Variants in PRPF18 observed in about 807,000 individuals in gnomAD.
PRPF18 encodes the protein pre-mRNA-splicing factor 18.
Under a neutral mutation model 46.5 loss-of-function variants are expected in PRPF18, and 38 were observed. That is an observed-to-expected ratio of 0.82 (90% CI 0.63 to 1.07). The LOEUF (loss-of-function observed/expected upper bound fraction) is 1.07. Ranked by LOEUF, PRPF18 falls within the 50% of genes least tolerant of loss-of-function variation. PRPF18 has a pLI of 0.00. For synonymous variants in PRPF18, 152 were observed against 146.7 expected (o/e 1.04, Z -0.26); for missense variants, 263 against 410.0 (o/e 0.64, Z 3.10).
the PRPF18 span, chr10:13,644,669 T>G: frequency 6.6e-6 from 1 of 152,236 alleles, no homozygotes; most frequent in Non-Finnish European, 1.5e-5. Flanking sequence ...TGTAACCATG[T>G]AACCTCATCA....
the PRPF18 span, chr10:13,651,633 A>C: frequency 2.5e-6 from 1 of 398,414 alleles, no homozygotes; most frequent in Non-Finnish European, 4.6e-6. Flanking sequence ...AGATCATGCC[A>C]CTGCACTCCA....
intron 8 of PRPF18, among the ~76,000 whole-genome samples, chr10:13,615,033 A>G (rs1423550692): frequency 6.6e-6 from 1 of 152,204 alleles, no homozygotes; most frequent in Non-Finnish European, 1.5e-5. Flanking sequence ...TAGGCTAAAG[A>G]GGTTCCTGCA....
chr10:13,605,606 A>G, intron 3 of PRPF18, 25 bp from the exon 4 acceptor site: 2 of 1,467,518 alleles, frequency 1.4e-6, no homozygotes, highest in Non-Finnish European at 1.8e-6. Flanking sequence ...AAAAAAATTT[A>G]CTGGGTATCT....
At chr10:13,655,248 A>G in the PRPF18 span, 2 of 152,234 alleles carry the variant, frequency 1.3e-5, no homozygotes, top group African/African-American at 4.8e-5. Flanking sequence ...AGTCTAAAAT[A>G]TGTTCCAAAA....
At chr10:13,627,958 C>T (rs1182475939) in intron 9 of PRPF18, among the ~76,000 whole-genome samples, 2 of 152,166 alleles carry the variant, frequency 1.3e-5, no homozygotes, top group Admixed American at 1.3e-4. Flanking sequence ...CCCCTCTTCT[C>T]ACCTATTCCT....
At chr10:13,634,499 C>A (rs1477000013), downstream of PRPF18, among the ~76,000 whole-genome samples, 1 of 152,250 alleles carries the variant, frequency 6.6e-6, no homozygotes, top group Non-Finnish European at 1.5e-5. Context: ...AGTTTTACAA[C>A]TTGCCAAAAC....
chr10:13,599,352 C>T (rs2080074627), intron 2 of PRPF18, among the ~76,000 whole-genome samples: 1 of 152,140 alleles, frequency 6.6e-6, no homozygotes, highest in Admixed American at 6.5e-5. Flanking sequence ...GTAATTTTTA[C>T]CATATAGCCT....
At chr10:13,654,974 G>A in the PRPF18 span, 1 of 165,336 alleles carries the variant, frequency 6.0e-6, no homozygotes, top group South Asian at 1.7e-4. Flanking sequence ...TCCCCATTGT[G>A]AAGAGAGGGC....
At chr10:13,621,586 C>T (rs1306620640) in intron 9 of PRPF18, among the ~76,000 whole-genome samples, 1 of 152,194 alleles carries the variant, frequency 6.6e-6, no homozygotes, top group Admixed American at 6.5e-5. Flanking sequence ...GTCCTAAGTC[C>T]AGCCCACTCC....
chr10:13,632,065 G>A, downstream of PRPF18: 1 of 152,658 alleles, frequency 6.6e-6, no homozygotes, highest in South Asian at 2.1e-4. Context: ...GAGGGGGCCA[G>A]GCGCGGTGGC....
intron 7 of PRPF18, 45 bp from the exon 8 acceptor site, chr10:13,613,970 A>T: frequency 1.9e-6 from 3 of 1,555,534 alleles, no homozygotes; most frequent in South Asian, 1.2e-5. Context: ...TTCCCTATAC[A>T]TCTATACATA....
intron 9 of PRPF18, among the ~76,000 whole-genome samples, chr10:13,624,116 C>G (rs1409957458): frequency 6.6e-6 from 1 of 152,160 alleles, no homozygotes; most frequent in East Asian, 1.9e-4. Flanking sequence ...TCCTGAGTAG[C>G]TGGGTGTGTG....
At chr10:13,651,321 G>C in the PRPF18 span, 5 of 152,538 alleles carry the variant, frequency 3.3e-5, no homozygotes, top group East Asian at 9.6e-4. Context: ...CCACTGAGTC[G>C]GCCCTTGGTG....
In PRPF18 at chr10:13,611,655, A is replaced by T; in HGVS notation, c.551A>T (p.Asp184Val). ...TTAGGGAAAGGCGATGATCATAAAG[A>T]CATGGACATCATCACCAAATTCCTG... ...ESLGKGDDHKDMDIITKFLKF... is the reference protein window; with the variant it reads ...ESLGKGDDHKVMDIITKFLKF... Residue 184 changes from aspartate to valine, a missense_variant, in exon 6 of 10, where the codon GAC becomes GTC. Physicochemically the swap from Asp to Val is radical, Grantham distance 152 (BLOSUM62 -3). Around this residue, in one of 4 missense-constraint regions of PRPF18, gnomAD observed 155 missense variants for 245.1 expected, o/e 0.63. Coordinates refer to ENST00000378572, the MANE Select transcript of PRPF18 (RefSeq NM_003675.4). 1 of 1,613,956 alleles carries T rather than the reference A, an allele frequency of 6.2e-7. No individual in the cohort carries two copies. Among genetic ancestry groups the T allele is most frequent in the Non-Finnish European group, 8.5e-7 (1 of 1,179,870 alleles).
At chr10:13,605,884 T>A in intron 4 of PRPF18, 140 bp downstream of exon 4, 1 of 1,247,036 alleles carries the variant, frequency 8.0e-7, no homozygotes. Flanking sequence ...TTTTCATTAA[T>A]TTTTTGAAAA....
intron 1 of PRPF18, chr10:13,591,798 C>A: frequency 6.9e-7 from 1 of 1,443,604 alleles, no homozygotes; most frequent in South Asian, 1.1e-5. Flanking sequence ...GAGGTCCAGT[C>A]ACAAGTAACA....
At chr10:13,591,928 GTTTTTTT>G in intron 1 of PRPF18, 1 of 1,011,566 alleles carries the variant, frequency 9.9e-7, no homozygotes, top group Non-Finnish European at 1.4e-6. Flanking sequence ...TCAACTGAGG[GTTTTTTT>G]TTTTTTTTGC....
At chr10:13,613,081 G>A (rs946392718) in intron 6 of PRPF18, among the ~76,000 whole-genome samples, 3 of 152,204 alleles carry the variant, frequency 2.0e-5, no homozygotes, top group Non-Finnish European at 4.4e-5. Flanking sequence ...ATAAGAATTA[G>A]TATGAACTAG....
chr10:13,646,653 C>G, the PRPF18 span: 1 of 152,698 alleles, frequency 6.5e-6, no homozygotes, highest in Non-Finnish European at 1.5e-5. Flanking sequence ...GGTTCCTGGC[C>G]TAGGGGCTGT....
Sources: allele counts gnomAD v4.1 joint callset (sites outside exome capture counted in the v4.1 genomes callset), GRCh38; gene constraint gnomAD v4.1.1; regional missense constraint gnomAD v4.1.1; transcripts MANE v1.5; gene names NCBI Gene and HGNC (gene_info 2026-07-23, HGNC 2026-07-21).